The following THSD4 variants were observed in gnomAD, a reference collection of about 807,000 sequenced individuals.
The protein encoded by THSD4 is thrombospondin type-1 domain-containing protein 4.
Under a neutral mutation model 119.0 loss-of-function variants are expected in THSD4, and 69 were observed. The observed-to-expected ratio is 0.58, with a 90% CI of 0.48 to 0.71. The LOEUF is 0.71. Among genes scored for constraint, THSD4 ranks in the 30% least tolerant of loss-of-function variants. THSD4 has a pLI of 0.00. For missense variants in THSD4, 1,393 were observed against 1,391.1 expected (o/e 1.00, Z -0.02); for synonymous variants, 524 against 540.4 (o/e 0.97, Z 0.42).
intron 8 of THSD4, among the ~76,000 whole-genome samples, chr15:71,700,034 C>T (rs2052252466): frequency 6.6e-6 from 1 of 152,006 alleles, no homozygotes; most frequent in Admixed American, 6.6e-5. Flanking sequence ...AACAAGAGAG[C>T]CAATCCTATT....
intron 7 of THSD4, among the ~76,000 whole-genome samples, chr15:71,632,517 A>G (rs2050652290): frequency 6.6e-6 from 1 of 152,220 alleles, no homozygotes; most frequent in South Asian, 2.1e-4. Context: ...GCATGTTGGA[A>G]TTGTTAGTTT....
At chr15:71,167,342 A>G (rs1030477048) in intron 3 of THSD4, among the ~76,000 whole-genome samples, 4 of 152,222 alleles carry the variant, frequency 2.6e-5, no homozygotes, top group African/African-American at 9.6e-5. Flanking sequence ...GCCATAGACA[A>G]TGTGTAAATG....
At chr15:71,445,253 C>T (rs960954527) in intron 7 of THSD4, among the ~76,000 whole-genome samples, 2 of 152,130 alleles carry the variant, frequency 1.3e-5, no homozygotes, top group Non-Finnish European at 2.9e-5. Context: ...TTAAGACACC[C>T]ATCATTCTTT....
At chr15:71,555,784 C>A (rs913433185) in intron 7 of THSD4, among the ~76,000 whole-genome samples, 2 of 152,166 alleles carry the variant, frequency 1.3e-5, no homozygotes, top group African/African-American at 4.8e-5. Context: ...AGTTTTTATA[C>A]ACTTAGAGTT....
chr15:71,591,965 G>A (rs2049815998), intron 7 of THSD4, among the ~76,000 whole-genome samples: 1 of 152,176 alleles, frequency 6.6e-6, no homozygotes, highest in Admixed American at 6.5e-5. Flanking sequence ...ATTATTTCGT[G>A]TAATTTTCCC....
chr15:71,543,224 C>A (rs1395210006), intron 7 of THSD4, among the ~76,000 whole-genome samples: 4 of 152,036 alleles, frequency 2.6e-5, no homozygotes, highest in African/African-American at 9.7e-5. Context: ...GCTGTCTTTG[C>A]AATTTTTCTG....
At chr15:71,768,750 A>G (rs1381673426) in intron 16 of THSD4, among the ~76,000 whole-genome samples, 1 of 150,080 alleles carries the variant, frequency 6.7e-6, no homozygotes, top group East Asian at 2.0e-4. Flanking sequence ...TATTTTTAGT[A>G]GAGACGGGGT....
intron 11 of THSD4, among the ~76,000 whole-genome samples, chr15:71,744,337 T>A (rs2053293701): frequency 6.6e-6 from 1 of 152,174 alleles, no homozygotes; most frequent in South Asian, 2.1e-4. Flanking sequence ...GAGCCCCTGC[T>A]ACTCTCCTAG....
chr15:71,775,918 T>C (rs971027458), intron 17 of THSD4, among the ~76,000 whole-genome samples: 11 of 152,166 alleles, frequency 7.2e-5, no homozygotes, highest in Non-Finnish European at 1.3e-4. Context: ...GGATGTGTGA[T>C]ATATGATGGA....
chr15:71,146,147 A>G (rs1317877713), intron 2 of THSD4, among the ~76,000 whole-genome samples: 1 of 152,226 alleles, frequency 6.6e-6, no homozygotes, highest in Non-Finnish European at 1.5e-5. Flanking sequence ...GAAATCAAAC[A>G]AATAACACAC....
At chr15:71,278,574 A>G (rs565557323) in intron 6 of THSD4, among the ~76,000 whole-genome samples, 1 of 152,340 alleles carries the variant, frequency 6.6e-6, no homozygotes, top group Admixed American at 6.5e-5. Flanking sequence ...AAAGTTCTAC[A>G]TTGTGCTCTG....
At chr15:71,262,731 C>A (rs1023376381) in intron 6 of THSD4, among the ~76,000 whole-genome samples, 1 of 152,182 alleles carries the variant, frequency 6.6e-6, no homozygotes, top group Non-Finnish European at 1.5e-5. Context: ...GTGATTGTAT[C>A]TGTCAGCAGT....
Position 71,568,765 on chromosome 15 carries a change from G to C in THSD4, c.1153-91765G>C, listed in dbSNP as rs1224557639. ...TTCCCCCGACCCCACAACAGGTCCC[G>C]GTGTGTGATGTTCCCCTTCCTGTGT... On this transcript the variant is annotated intron_variant, in intron 7 of 17. Coordinates refer to ENST00000261862, the MANE Select transcript of THSD4 (RefSeq NM_024817.3). Among the ~76,000 whole-genome samples the C allele has an allele frequency of 4.0e-5, 6 of 151,806 alleles. No homozygotes were observed. The East Asian group carries it at 1.2e-3, about 29-fold the overall frequency.
chr15:71,207,780 G>A (rs1051524814), intron 3 of THSD4, among the ~76,000 whole-genome samples: 2 of 152,118 alleles, frequency 1.3e-5, no homozygotes, highest in African/African-American at 4.8e-5. Flanking sequence ...GATTTGAGAT[G>A]GAACAGTTTC....
At position 71,748,475 on chromosome 15, in the gene THSD4, A is replaced by G; in HGVS notation, c.2296A>G (p.Asn766Asp). ...QRTRDVKCVS[N>D]IGDVVDDEEC... ...GACCCGTGATGTGAAGTGTGTGAGC[A>G]ACATTGGGGATGTGGTTGACGATGA... Residue 766 changes from asparagine to aspartate, a missense_variant, in exon 14 of 18, where the codon AAC (asparagine) becomes GAC (aspartate). By Grantham distance (23) the Asn-to-Asp change is conservative. Coordinates refer to ENST00000261862, the MANE Select transcript of THSD4 (RefSeq NM_024817.3). The G allele has an allele frequency of 6.2e-7, 1 of 1,614,210 alleles. No homozygotes were observed. Among genetic ancestry groups the G allele is most frequent in the Non-Finnish European group, 8.5e-7 (1 of 1,180,048 alleles).
At chr15:71,740,917 C>A (rs997959069) in intron 11 of THSD4, among the ~76,000 whole-genome samples, 2 of 152,160 alleles carry the variant, frequency 1.3e-5, no homozygotes, top group African/African-American at 4.8e-5. Flanking sequence ...CAATTCAGGA[C>A]ACATTTCTGT....
intron 7 of THSD4, among the ~76,000 whole-genome samples, chr15:71,481,536 C>T (rs4777392): frequency 0.92 from 140,524 of 152,016 alleles, 65,784 homozygotes; most frequent in East Asian, 1. Context: ...CTTAGATACA[C>T]GTAGCCCAGA....
rs1002257127 is a variant in THSD4, at chr15:71,710,031, T to C, written c.1358-18518T>C. 2.6e-5 allele frequency among the ~76,000 whole-genome samples: 4 copies of C among 152,258 alleles called. No individual in the cohort carries two copies. In the East Asian group the frequency reaches 5.8e-4, roughly 22 times the overall value. On this transcript the variant is annotated intron_variant, in intron 8 of 17. Transcript: ENST00000261862. Reference sequence around the variant, plus strand: ...CAGATCCAGGCTGGATGTCACTTGGTGATGATGAATTCAAGCCTTCCGCAT... The same window carrying C: ...CAGATCCAGGCTGGATGTCACTTGGCGATGATGAATTCAAGCCTTCCGCAT...
At position 71,670,768 on chromosome 15, in the gene THSD4, A is replaced by G. The variant is rs532083939; in HGVS notation, c.1357+10034A>G. 2.0e-5 allele frequency among the ~76,000 whole-genome samples: 3 copies of G among 151,622 alleles called. No homozygotes were observed. The East Asian group carries it at 5.9e-4, about 30-fold the overall frequency. On this transcript the variant is annotated intron_variant, in intron 8 of 17. Coordinates refer to ENST00000261862, the MANE Select transcript of THSD4 (RefSeq NM_024817.3). ...GTGTTTGGTTTTCTGTCCTTGCAAT[A>G]GTTTGCTCAGAATGCTGGTTTCCAG...
Sources: gnomAD v4.1 joint callset for allele counts (sites outside exome capture counted in the v4.1 genomes callset) on GRCh38, gnomAD v4.1.1 for gene constraint, MANE v1.5 for transcripts, NCBI Gene and HGNC (gene_info 2026-07-23, HGNC 2026-07-21) for gene names.